Variants in NACC2 observed in about 807,000 individuals in gnomAD.
The protein encoded by NACC2 is NACC family member 2.
Under a neutral mutation model 25.1 loss-of-function variants are expected in NACC2, and 8 were observed. The ratio of observed to expected loss-of-function variants is 0.32; its 90% confidence interval spans 0.19 to 0.57. The LOEUF (loss-of-function observed/expected upper bound fraction) is 0.57. Ranked by LOEUF, NACC2 falls within the 20% of genes least tolerant of loss-of-function variation. NACC2 has a pLI of 0.89. For missense variants in NACC2, 644 were observed against 650.2 expected, an observed-to-expected ratio of 0.99 and a Z score of 0.10; for synonymous variants, 435 against 294.7, an observed-to-expected ratio of 1.48 and a Z score of -4.88.
intron 1 of NACC2, among the ~76,000 whole-genome samples, chr9:136,060,859 G>A (rs1296265947): frequency 2.0e-5 from 3 of 152,206 alleles, no homozygotes; most frequent in Non-Finnish European, 2.9e-5. Flanking sequence ...TCTGCCAGCC[G>A]ACTAGAGCCT....
chr9:136,063,175 T>A lies in NACC2; in HGVS notation c.-59-12595A>T, dbSNP rs73668061. Among the ~76,000 whole-genome samples the A allele has an allele frequency of 3.5e-3, 529 of 152,326 alleles. 6 individuals are homozygous for A. Among genetic ancestry groups the A allele is most frequent in the African/African-American group, 0.012 (510 of 41,576 alleles). On this transcript the variant is annotated intron_variant, in intron 1 of 5. Coordinates refer to ENST00000277554, the MANE Select transcript of NACC2 (RefSeq NM_144653.5). ...TGTCAAACGTGTGGTTTGAGCCGCATTCCCATTACGTGGCGGGGACCAGGG... is the reference window on the plus strand; with the variant it reads ...TGTCAAACGTGTGGTTTGAGCCGCAATCCCATTACGTGGCGGGGACCAGGG...
In NACC2 at chr9:136,016,421, T is replaced by G. The variant is rs775766074; in HGVS notation, c.895A>C (p.Lys299Gln). The G allele has an allele frequency of 6.2e-7, 1 of 1,610,820 alleles. No homozygotes were observed. The highest frequency in any genetic ancestry group is 8.5e-7 in the Non-Finnish European group (1 of 1,179,706). The change falls in exon 3 of 6, where the codon AAG becomes CAG. Residue 299 changes from lysine (K) to glutamine (Q), a missense_variant. Transcript: ENST00000277554. ...KASGSYAVQE[K>Q]PEPVPLESRS... ...CTCTCCAGCGGCACTGGCTCAGGCT[T>G]CTCTTGCACTGTGGGCCCAGAACCA...
chr9:136,052,453 G>A (rs1381081341), intron 1 of NACC2, among the ~76,000 whole-genome samples: 3 of 151,800 alleles, frequency 2.0e-5, no homozygotes, highest in Non-Finnish European at 4.4e-5. Context: ...GAGGGGGTGA[G>A]GGGGTCAGGA....
At chr9:136,066,628 C>T (rs1841084842) in intron 1 of NACC2, among the ~76,000 whole-genome samples, 1 of 152,242 alleles carries the variant, frequency 6.6e-6, no homozygotes, top group African/African-American at 2.4e-5. Flanking sequence ...GCAATTCCAA[C>T]CCTAGGTATG....
chr9:136,076,691 GT>G (rs1408182066), intron 1 of NACC2, among the ~76,000 whole-genome samples: 5 of 152,180 alleles, frequency 3.3e-5, no homozygotes, highest in Non-Finnish European at 7.3e-5. Flanking sequence ...TGAATTTCAT[GT>G]TGTGTATATT....
intron 1 of NACC2, among the ~76,000 whole-genome samples, chr9:136,093,905 TGCTGA>T (rs1159765120): frequency 2.0e-5 from 3 of 152,134 alleles, no homozygotes; most frequent in Admixed American, 2.0e-4. Flanking sequence ...CCCTGCAGAA[TGCTGA>T]GCTGAGTGTC....
chr9:136,086,990 G>A lies in NACC2; in HGVS notation c.-60+8199C>T, dbSNP rs538860008. On this transcript the variant is annotated intron_variant, in intron 1 of 5. Transcript: ENST00000277554. This position sits in a 1 kb window ranked among gnomAD's most constrained non-coding sequence, Gnocchi z 5.6. ...CAGGGTCTTTACAGATATCATTAGT[G>A]AAAGGTAAGATGAGATATCCCGGAT... 1.2e-3 allele frequency among the ~76,000 whole-genome samples: 178 copies of A among 152,240 alleles called. 2 individuals carry two copies. Among genetic ancestry groups the A allele is most frequent in the Non-Finnish European group, 1.7e-3 (117 of 68,052 alleles).
chr9:136,050,525 G>C lies in NACC2; in HGVS notation c.-4C>G, dbSNP rs1045164599. 1 of 760,782 alleles carries C rather than the reference G, an allele frequency of 1.3e-6. No individual in the cohort carries two copies. The highest frequency in any genetic ancestry group is 1.7e-5 in the African/African-American group (1 of 59,014). The allele number at this position is 760,782 out of a possible 1,614,324, so 47.1% of individuals were successfully genotyped here. A position where few individuals can be genotyped will look rare whatever the true frequency, so the allele number is the denominator to read the frequency against. On this transcript the variant is annotated 5_prime_UTR_variant, in exon 2 of 6. Coordinates refer to ENST00000277554, the MANE Select transcript of NACC2 (RefSeq NM_144653.5). ...CGATGTGCAGCATCTGAGACATGGCGGGCGGGCAGCGGCGGGGCTGGGCTC... is the reference window on the plus strand; with the variant it reads ...CGATGTGCAGCATCTGAGACATGGCCGGCGGGCAGCGGCGGGGCTGGGCTC...
intron 2 of NACC2, among the ~76,000 whole-genome samples, chr9:136,025,404 T>A: frequency 6.6e-6 from 1 of 152,114 alleles, no homozygotes; most frequent in Non-Finnish European, 1.5e-5. Flanking sequence ...CACAAAGAGA[T>A]GTTAGATGTG....
At chr9:136,021,345 G>A (rs1237312668) in intron 2 of NACC2, among the ~76,000 whole-genome samples, 6 of 94,528 alleles carry the variant, frequency 6.3e-5, no homozygotes, top group Admixed American at 1.1e-4. Flanking sequence ...TCCCAGTGCG[G>A]GAAACGTAAA....
Position 136,013,944 on chromosome 9 carries a change from G to C in NACC2, c.1077C>G (p.Gly359=), listed in dbSNP as rs1588555773. The C allele has an allele frequency of 6.2e-7, 1 of 1,612,554 alleles. No homozygotes were observed. Among genetic ancestry groups the C allele is most frequent in the Non-Finnish European group, 8.5e-7 (1 of 1,179,888 alleles). ...VAGSGVYITR[G]QLMNCHLCAG... ...CACACAGGTGGCAGTTCATCAGCTG[G>C]CCGCGTGTGATGTAGACCCCAGAGC... The change falls in exon 4 of 6, where the codon GGC becomes GGG. Residue 359 remains glycine, a synonymous_variant. Coordinates refer to ENST00000277554, the MANE Select transcript of NACC2 (RefSeq NM_144653.5). The surrounding 1 kb of genome is among the most constrained non-coding windows in gnomAD (Gnocchi z 6.6).
chr9:136,069,196 G>A lies in NACC2; in HGVS notation c.-59-18616C>T, dbSNP rs980490402. On this transcript the variant is annotated intron_variant, in intron 1 of 5. Coordinates refer to ENST00000277554, the MANE Select transcript of NACC2 (RefSeq NM_144653.5). ...GCTGGGATCATAGGCGTGAACTGCC[G>A]TGCCCAGCCTGAGGTGAGTTTCTTT... Among the ~76,000 whole-genome samples, 15 of 146,214 alleles carry A rather than the reference G, an allele frequency of 1.0e-4. 1 individual carries two copies. The highest frequency in any genetic ancestry group is 5.8e-4 in the East Asian group (3 of 5,160).
At position 136,052,261 on chromosome 9, in the gene NACC2, G is replaced by A. The variant is rs1045824285; in HGVS notation, c.-59-1681C>T. Among the ~76,000 whole-genome samples, 38 of 152,322 alleles carry A rather than the reference G, an allele frequency of 2.5e-4. 2 individuals are homozygous for A. The South Asian group carries it at 7.3e-3, about 29-fold the overall frequency. On this transcript the variant is annotated intron_variant, in intron 1 of 5. Coordinates refer to ENST00000277554, the MANE Select transcript of NACC2 (RefSeq NM_144653.5). ...GTGGAGAAATGCTTCCCGGTGCCAC[G>A]GCAACTGAGACAGCCTGGAAATTTA... is the stretch of plus-strand genomic sequence containing the variant.
chr9:136,048,350 G>A (rs1840760020), intron 2 of NACC2, among the ~76,000 whole-genome samples: 2 of 152,226 alleles, frequency 1.3e-5, no homozygotes, highest in Admixed American at 1.3e-4. Flanking sequence ...GGGTCCACAA[G>A]CACTGACATC....
At chr9:136,064,193 G>GA (rs898971573) in intron 1 of NACC2, among the ~76,000 whole-genome samples, 1 of 152,056 alleles carries the variant, frequency 6.6e-6, no homozygotes, top group African/African-American at 2.4e-5. Context: ...GGAGGCTGAG[G>GA]GGGGAGAATC....
At position 136,049,908 on chromosome 9, in the gene NACC2, G is replaced by A; in HGVS notation, c.614C>T (p.Ala205Val). 3.4e-6 allele frequency: 2 copies of A among 581,060 alleles called. No individual in the cohort carries two copies. Among genetic ancestry groups the A allele is most frequent in the Non-Finnish European group, 6.2e-6 (2 of 325,122 alleles). 36.0% of individuals were successfully genotyped at this position (581,060 alleles called of 1,614,324 possible). The change falls in exon 2 of 6, where the codon GCG becomes GTG. Residue 205 changes from alanine to valine, a missense_variant. Ala to Val is a moderately conservative substitution (Grantham distance 64). Transcript: ENST00000277554. ...TGTGCCCGCCGCCACCGCAGCCCCC[G>A]CGGCCACCGCCACGCCGTCCCGGGG... ...TGPRDGVAVA[A>V]GAAVAAGTAP... is the part of the protein sequence containing the mutation.
chr9:136,028,139 T>C (rs1840421253), intron 2 of NACC2, among the ~76,000 whole-genome samples: 1 of 149,640 alleles, frequency 6.7e-6, no homozygotes, highest in African/African-American at 2.5e-5. Flanking sequence ...CAGGTGCCTG[T>C]AATCCCAGCT....
intron 1 of NACC2, among the ~76,000 whole-genome samples, chr9:136,078,330 A>G (rs1401635543): frequency 6.6e-6 from 1 of 152,208 alleles, no homozygotes; most frequent in Non-Finnish European, 1.5e-5. Context: ...TGCAGAATTC[A>G]TGAGGGGGAC....
In NACC2 at chr9:136,022,695, G is replaced by A. The variant is rs928313225; in HGVS notation, c.887-6266C>T. On this transcript the variant is annotated intron_variant, in intron 2 of 5. Transcript: ENST00000277554. This position sits in a 1 kb window ranked among gnomAD's most constrained non-coding sequence, Gnocchi z 4.4. ...ACACAGCATGCGCCTAACACACAGG[G>A]CCCATCAACTACCAGTGCTGGCTGG... 1.3e-5 allele frequency among the ~76,000 whole-genome samples: 2 copies of A among 152,082 alleles called. No homozygotes were observed. The highest frequency in any genetic ancestry group is 6.5e-5 in the Admixed American group (1 of 15,272).
Sources: gnomAD v4.1 joint callset for allele counts (sites outside exome capture counted in the v4.1 genomes callset) on GRCh38, gnomAD v4.1.1 for gene constraint, Gnocchi (gnomAD v3.1) non-coding constraint, MANE v1.5 for transcripts, NCBI Gene and HGNC (gene_info 2026-07-23, HGNC 2026-07-21) for gene names.